Variants in TRDN observed in about 807,000 individuals in gnomAD.
The protein encoded by TRDN is triadin in skeletal muscle.
Under a neutral mutation model 149.7 loss-of-function variants are expected in TRDN, and 161 were observed. The observed-to-expected ratio is 1.08, with a 90% CI of 0.95 to 1.23. TRDN has a LOEUF of 1.23. Among genes scored for constraint, TRDN ranks in the 50% most tolerant of loss-of-function variants. TRDN has a pLI of 0.00. For synonymous variants in TRDN, 294 were observed against 250.5 expected, an observed-to-expected ratio of 1.17 and a Z score of -1.64; for missense variants, 896 against 823.5, an observed-to-expected ratio of 1.09 and a Z score of -1.08.
chr6:123,389,892 A>T (rs1319369021), intron 13 of TRDN, among the ~76,000 whole-genome samples: 1 of 152,172 alleles, frequency 6.6e-6, no homozygotes, highest in East Asian at 1.9e-4. Context: ...TGATATGGAC[A>T]TGGCCTGATG....
intron 9 of TRDN, among the ~76,000 whole-genome samples, chr6:123,465,257 A>G (rs1310991048): frequency 6.6e-6 from 1 of 152,162 alleles, no homozygotes; most frequent in Non-Finnish European, 1.5e-5. Context: ...TCATTAATGG[A>G]AAATGTACAT....
At chr6:123,502,425 A>T (rs1180644841) in intron 8 of TRDN, 1 of 622,872 alleles carries the variant, frequency 1.6e-6, no homozygotes, top group East Asian at 1.4e-4. Context: ...TTAAAATAAT[A>T]AATTAAAATT....
chr6:123,341,772 T>C (rs1411013422), intron 21 of TRDN, among the ~76,000 whole-genome samples: 1 of 152,012 alleles, frequency 6.6e-6, no homozygotes, highest in East Asian at 1.9e-4. Flanking sequence ...TATAACACTT[T>C]GTAAATACTT....
chr6:123,456,870 C>G (rs1196804608), intron 10 of TRDN: 1 of 455,870 alleles, frequency 2.2e-6, no homozygotes, highest in Admixed American at 2.4e-5. Flanking sequence ...AAGGATGACG[C>G]CATTTGGAAT....
intron 1 of TRDN, among the ~76,000 whole-genome samples, chr6:123,621,626 A>AC (rs1641857294): frequency 6.6e-6 from 1 of 152,134 alleles, no homozygotes; most frequent in South Asian, 2.1e-4. Context: ...AACATAGATG[A>AC]CTCTTATAAA....
chr6:123,606,616 A>T (rs1280776630), intron 1 of TRDN, among the ~76,000 whole-genome samples: 1 of 152,106 alleles, frequency 6.6e-6, no homozygotes, highest in Non-Finnish European at 1.5e-5. Flanking sequence ...GTAGAAACAG[A>T]GGTTCACTGA....
chr6:123,324,702 T>C (rs1779377943), intron 23 of TRDN, among the ~76,000 whole-genome samples: 1 of 152,196 alleles, frequency 6.6e-6, no homozygotes, highest in African/African-American at 2.4e-5. Flanking sequence ...GTACACATGT[T>C]GCTGTATATT....
At chr6:123,277,151 TC>T (rs1777395045) in intron 26 of TRDN, among the ~76,000 whole-genome samples, 1 of 152,140 alleles carries the variant, frequency 6.6e-6, no homozygotes, top group Non-Finnish European at 1.5e-5. Flanking sequence ...TTTCACAGGT[TC>T]AAAAAGAGAA....
chr6:123,456,714 C>G, intron 10 of TRDN: 2 of 436,374 alleles, frequency 4.6e-6, no homozygotes, highest in South Asian at 3.3e-5. Context: ...AGCGATCCAC[C>G]CACCTTGGCC....
intron 24 of TRDN, among the ~76,000 whole-genome samples, chr6:123,315,405 G>A (rs961692862): frequency 4.6e-5 from 7 of 151,360 alleles, no homozygotes; most frequent in African/African-American, 1.7e-4. Flanking sequence ...ACTTTAAATG[G>A]GCATGCTTAT....
chr6:123,231,554 T>A (rs895753230), intron 38 of TRDN, among the ~76,000 whole-genome samples: 1 of 152,020 alleles, frequency 6.6e-6, no homozygotes, highest in Non-Finnish European at 1.5e-5. Context: ...ACACAAAAAA[T>A]TTTAATGTAG....
intron 20 of TRDN, among the ~76,000 whole-genome samples, chr6:123,364,263 T>C (rs1343249538): frequency 6.6e-6 from 1 of 152,226 alleles, no homozygotes; most frequent in African/African-American, 2.4e-5. Flanking sequence ...ATGGATCAGC[T>C]ACCAGGAGTT....
chr6:123,576,467 ATTTATT>A (rs112509474), intron 1 of TRDN, among the ~76,000 whole-genome samples: 41,127 of 131,740 alleles, frequency 0.31, 6,004 homozygotes, highest in East Asian at 0.51. Flanking sequence ...TTCTTTTTTA[ATTTATT>A]TTTATTTTTA....
intron 24 of TRDN, among the ~76,000 whole-genome samples, chr6:123,301,634 A>G (rs1778398992): frequency 6.6e-6 from 1 of 151,044 alleles, no homozygotes; most frequent in South Asian, 2.1e-4. Flanking sequence ...TAAGTACTCA[A>G]TAAATGTCCT....
chr6:123,612,242 G>A (rs1328369375), intron 1 of TRDN, among the ~76,000 whole-genome samples: 1 of 94,676 alleles, frequency 1.1e-5, no homozygotes, highest in Non-Finnish European at 2.0e-5. Flanking sequence ...TAAAAATACA[G>A]AAAAAAAAAA....
At chr6:123,278,268 T>C in intron 26 of TRDN, 50 bp downstream of exon 26, 1 of 1,193,016 alleles carries the variant, frequency 8.4e-7, no homozygotes, top group Non-Finnish European at 1.1e-6. Flanking sequence ...TATTGTGCTA[T>C]TTATTCTAAA....
intron 12 of TRDN, among the ~76,000 whole-genome samples, chr6:123,425,232 G>GGTGTGTGTGT (rs60065532): frequency 6.5e-5 from 9 of 138,718 alleles, no homozygotes; most frequent in African/African-American, 1.6e-4. Flanking sequence ...CAGAGGTAGA[G>GGTGTGTGTGT]GTGTGTGTGT....
At chr6:123,417,316 T>A (rs1773698090) in intron 12 of TRDN, among the ~76,000 whole-genome samples, 1 of 113,486 alleles carries the variant, frequency 8.8e-6, no homozygotes, top group South Asian at 2.4e-4. Flanking sequence ...AATATAAAAT[T>A]TTTTGATCCC....
At chr6:123,339,700 A>C (rs1397188162) in intron 21 of TRDN, among the ~76,000 whole-genome samples, 1 of 152,222 alleles carries the variant, frequency 6.6e-6, no homozygotes, top group East Asian at 1.9e-4. Context: ...TACAAAAGCA[A>C]AATAAACCAG....
Sources: gnomAD v4.1 joint callset for allele counts (sites outside exome capture counted in the v4.1 genomes callset) on GRCh38, gnomAD v4.1.1 for gene constraint, MANE v1.5 for transcripts, NCBI Gene and HGNC (gene_info 2026-07-23, HGNC 2026-07-21) for gene names.